The following BMPR1B variants were observed in gnomAD, a reference collection of about 807,000 sequenced individuals.
The protein encoded by BMPR1B is bone morphogenetic protein receptor type 1B, also known as bone morphogenetic protein receptor type-1B.
In BMPR1B, 12 loss-of-function variants were observed where a neutral mutation model predicts 59.1. The ratio of observed to expected loss-of-function variants is 0.20; its 90% CI spans 0.13 to 0.33. The LOEUF (loss-of-function observed/expected upper bound fraction) is 0.33, where lower values mean the gene tolerates loss of function less well. Among genes scored for constraint, BMPR1B ranks in the 10% least tolerant of loss-of-function variants. The pLI is 1.00. For synonymous variants in BMPR1B, 237 were observed against 207.3 expected (o/e 1.14, Z -1.23); for missense variants, 550 against 610.9 (o/e 0.90, Z 1.05).
chr4:95,005,823 G>T (rs976637789), intron 3 of BMPR1B, among the ~76,000 whole-genome samples: 8 of 151,964 alleles, frequency 5.3e-5, no homozygotes, highest in Non-Finnish European at 1.2e-4. Flanking sequence ...AATCTTTCCA[G>T]TTGTAACAGA....
rs373214817 is a variant in BMPR1B at position 95,155,476 on chromosome 4, T to C, written c.*803T>C. 5 of 7,796 alleles carry C rather than the reference T, an allele frequency of 6.4e-4. No homozygotes were observed. Among genetic ancestry groups the C allele is most frequent in the African/African-American group, 3.1e-3 (5 of 1,624 alleles). 0.5% of individuals were successfully genotyped at this position (7,796 alleles called of 1,614,324 possible). ...CCTTTTCATTAAACACAAAGAAAGC[T>C]TTTTTTTTTTTTTTTTTTTTTTTTT... On this transcript the variant is annotated 3_prime_UTR_variant, in exon 13 of 13. Transcript: ENST00000515059.
chr4:94,786,304 G>A (rs1367465178), intron 1 of BMPR1B, among the ~76,000 whole-genome samples: 1 of 152,060 alleles, frequency 6.6e-6, no homozygotes, highest in African/African-American at 2.4e-5. Flanking sequence ...TATTGAGAAA[G>A]GGGTCAAAAT....
chr4:94,875,638 C>T (rs189563945), intron 1 of BMPR1B, among the ~76,000 whole-genome samples, 193 bp from the exon 2 acceptor site: 173 of 152,220 alleles, frequency 1.1e-3, no homozygotes, highest in African/African-American at 3.8e-3. Flanking sequence ...GAGCCAAGAT[C>T]GCGCCGCTGC....
At chr4:95,074,647 A>G (rs1728569687) in intron 3 of BMPR1B, among the ~76,000 whole-genome samples, 1 of 152,146 alleles carries the variant, frequency 6.6e-6, no homozygotes, top group Admixed American at 6.6e-5. Flanking sequence ...AAGGATGCCT[A>G]AATATATATT....
chr4:94,847,740 A>C (rs933487156), intron 1 of BMPR1B, among the ~76,000 whole-genome samples: 25 of 149,446 alleles, frequency 1.7e-4, no homozygotes, highest in African/African-American at 6.2e-4. Context: ...AATTTAAACA[A>C]CTGAACTTGT....
intron 3 of BMPR1B, among the ~76,000 whole-genome samples, chr4:95,036,970 T>C (rs905605062): frequency 2.0e-5 from 3 of 152,130 alleles, no homozygotes; most frequent in African/African-American, 7.2e-5. Flanking sequence ...CTGTTGCCTT[T>C]CGAAAATCAA....
At chr4:94,872,613 T>C (rs1726548041) in intron 1 of BMPR1B, among the ~76,000 whole-genome samples, 1 of 152,190 alleles carries the variant, frequency 6.6e-6, no homozygotes, top group African/African-American at 2.4e-5. Flanking sequence ...TGGATGCCAG[T>C]GGAGCATGCC....
intron 1 of BMPR1B, among the ~76,000 whole-genome samples, chr4:94,823,448 G>A (rs757217497): frequency 2.6e-5 from 4 of 152,106 alleles, no homozygotes; most frequent in East Asian, 1.9e-4. Flanking sequence ...GCTGGTGTTC[G>A]GATCTATGTT....
chr4:94,861,261 T>G (rs1725966630), intron 1 of BMPR1B, among the ~76,000 whole-genome samples: 1 of 152,220 alleles, frequency 6.6e-6, no homozygotes, highest in African/African-American at 2.4e-5. Context: ...GGTGATAATA[T>G]CACTTGCTTA....
chr4:94,868,756 T>C (rs1370529949), intron 1 of BMPR1B, among the ~76,000 whole-genome samples: 1 of 152,106 alleles, frequency 6.6e-6, no homozygotes, highest in Non-Finnish European at 1.5e-5. Flanking sequence ...CATAATGCAT[T>C]TGACTTATTA....
At chr4:94,861,859 A>G (rs761871802) in intron 1 of BMPR1B, among the ~76,000 whole-genome samples, 1 of 152,198 alleles carries the variant, frequency 6.6e-6, no homozygotes, top group Non-Finnish European at 1.5e-5. Context: ...GAATGGAAGT[A>G]ATCAGAGGTT....
intron 3 of BMPR1B, among the ~76,000 whole-genome samples, chr4:95,014,404 C>T (rs1723434953): frequency 6.6e-6 from 1 of 152,072 alleles, no homozygotes; most frequent in Admixed American, 6.5e-5. Context: ...GGTTTAACTA[C>T]CATTATTTAG....
intron 2 of BMPR1B, among the ~76,000 whole-genome samples, chr4:94,968,933 G>A (rs1414666573): frequency 1.3e-5 from 2 of 151,986 alleles, no homozygotes; most frequent in Non-Finnish European, 2.9e-5. Context: ...CCAGATTTCC[G>A]TGATTTTCTA....
At chr4:95,026,912 C>T (rs969615419) in intron 3 of BMPR1B, among the ~76,000 whole-genome samples, 1 of 151,808 alleles carries the variant, frequency 6.6e-6, no homozygotes, top group African/African-American at 2.4e-5. Flanking sequence ...AGGCATGCCA[C>T]CACCAGTGGC....
chr4:95,130,723 C>CTTTTTTTTTTTTTTTTTTTTTTTTTTTT (rs148720302), intron 9 of BMPR1B, among the ~76,000 whole-genome samples: 3 of 77,930 alleles, frequency 3.8e-5, no homozygotes, highest in South Asian at 5.0e-4. Flanking sequence ...CTTTTCTTTT[C>CTTTTTTTTTTTTTTTTTTTTTTTTTTTT]TTTTTTTTTT....
intron 2 of BMPR1B, among the ~76,000 whole-genome samples, chr4:94,930,364 G>A (rs1192810638): frequency 6.6e-6 from 1 of 152,042 alleles, no homozygotes; most frequent in Non-Finnish European, 1.5e-5. Flanking sequence ...TTCCACTGTG[G>A]TTCAGATTGG....
intron 2 of BMPR1B, among the ~76,000 whole-genome samples, chr4:94,878,542 G>A (rs1377815656): frequency 2.0e-5 from 3 of 152,094 alleles, no homozygotes; most frequent in Admixed American, 2.0e-4. Flanking sequence ...CTCCTCATTG[G>A]CTGCTGTGCG....
intron 1 of BMPR1B, among the ~76,000 whole-genome samples, chr4:94,776,412 G>A (rs1057181899): frequency 6.6e-5 from 10 of 152,078 alleles, no homozygotes; most frequent in Non-Finnish European, 1.0e-4. Flanking sequence ...TTCCTCCCTG[G>A]CTTTTTTCTT....
At chr4:95,071,650 G>GTATATATATATATATATATATA (rs1459082558) in intron 3 of BMPR1B, among the ~76,000 whole-genome samples, 62 of 78,400 alleles carry the variant, frequency 7.9e-4, no homozygotes, top group East Asian at 2.0e-3. Flanking sequence ...GTGTGTGTGT[G>GTATATATATATATATATATATA]TGTATATATA....
Sources: gnomAD v4.1 joint callset for allele counts (sites outside exome capture counted in the v4.1 genomes callset) on GRCh38, gnomAD v4.1.1 for gene constraint, MANE v1.5 for transcripts, NCBI Gene and HGNC (gene_info 2026-07-23, HGNC 2026-07-21) for gene names.